Variants in CECR2 observed in about 807,000 individuals in gnomAD.
CECR2 encodes the protein chromatin remodeling regulator CECR2.
Under a neutral mutation model 154.5 loss-of-function variants are expected in CECR2, and 30 were observed. That is an observed-to-expected ratio of 0.19 (90% CI 0.15 to 0.26). The LOEUF is 0.26. Among genes scored for constraint, CECR2 ranks in the 10% least tolerant of loss-of-function variants. The pLI, the probability that CECR2 is intolerant of heterozygous loss-of-function variation, is 1.00. For missense variants in CECR2, 1,743 were observed against 1,829.3 expected (o/e 0.95, Z 0.86); for synonymous variants, 725 against 683.7 (o/e 1.06, Z -0.94).
In CECR2 at chr22:17,410,668, G is replaced by A. The variant is rs868536276; in HGVS notation, c.126+40759G>A. 3.9e-5 allele frequency among the ~76,000 whole-genome samples: 6 copies of A among 152,178 alleles called. No individual in the cohort carries two copies. In the South Asian group the frequency reaches 6.2e-4, roughly 16 times the overall value. On this transcript the variant is annotated intron_variant, in intron 1 of 18. Coordinates refer to ENST00000262608, the MANE Select transcript of CECR2 (RefSeq NM_001290047.2). ...TCACTATGTTGGCCAGGCTGGTCTC[G>A]AACTCCTGACCTTGTGACCTGCCTC...
At chr22:17,475,971 A>G (rs1040052532) in intron 1 of CECR2, among the ~76,000 whole-genome samples, 2 of 151,834 alleles carry the variant, frequency 1.3e-5, no homozygotes, top group African/African-American at 2.4e-5. Flanking sequence ...TTGCCTCTCT[A>G]TAGAAATAAA....
chr22:17,505,729 G>C lies in CECR2; in HGVS notation c.870+713G>C, dbSNP rs956537490. ...TTTTTTGTGTTTTTAGTAGAGACAG[G>C]GTTTCACCATTTTGACCAGGCTGGT... On this transcript the variant is annotated intron_variant, in intron 7 of 18. Coordinates refer to ENST00000262608, the MANE Select transcript of CECR2 (RefSeq NM_001290047.2). Among the ~76,000 whole-genome samples the C allele has an allele frequency of 2.0e-5, 3 of 150,174 alleles. No individual in the cohort carries two copies. In the Admixed American group the frequency reaches 2.0e-4, roughly 10 times the overall value.
chr22:17,547,466 G>A lies in CECR2; in HGVS notation c.2861-682G>A, dbSNP rs183942796. Among the ~76,000 whole-genome samples, 15 of 152,234 alleles carry A rather than the reference G, an allele frequency of 9.9e-5. No individual in the cohort carries two copies. In the East Asian group the frequency reaches 2.3e-3, roughly 24 times the overall value. ...AGGATGGTCTCAATCTCCTGACCTC[G>A]TGATCTGCCCGCCTCGGCCTCCCAA... On this transcript the variant is annotated intron_variant, in intron 16 of 18. Transcript: ENST00000262608.
chr22:17,392,882 A>G (rs1452060035), intron 1 of CECR2, among the ~76,000 whole-genome samples: 2 of 152,074 alleles, frequency 1.3e-5, no homozygotes, highest in Non-Finnish European at 2.9e-5. Context: ...TCTACTAAAA[A>G]TACAAAAATT....
Position 17,556,888 on chromosome 22 carries a change from T to G in CECR2, c.*4048T>G, listed in dbSNP as rs1384467730. ...TCCTGGGGTGTGGTGTGTCCACCAG[T>G]GACTCTCCGGACACTAGCTTCAGTA... is the stretch of plus-strand genomic sequence containing the variant. On this transcript the variant is annotated 3_prime_UTR_variant, in exon 19 of 19. Coordinates refer to ENST00000262608, the MANE Select transcript of CECR2 (RefSeq NM_001290047.2). 1.3e-5 allele frequency: 2 copies of G among 152,242 alleles called. No individual in the cohort carries two copies. Among genetic ancestry groups the G allele is most frequent in the African/African-American group, 4.8e-5 (2 of 41,448 alleles). The allele number at this position is 152,242 out of a possible 1,614,324, so 9.4% of individuals were successfully genotyped here.
At chr22:17,523,003 T>TCGGGG (rs1317444517) in intron 8 of CECR2, among the ~76,000 whole-genome samples, 1 of 142,184 alleles carries the variant, frequency 7.0e-6, no homozygotes, top group Non-Finnish European at 1.6e-5. Context: ...AGACTCCATC[T>TCGGGG]CGGGGGGAAA....
upstream of CECR2, among the ~76,000 whole-genome samples, chr22:17,368,835 C>T (rs1282881807): frequency 6.6e-6 from 1 of 152,074 alleles, no homozygotes; most frequent in Non-Finnish European, 1.5e-5. Context: ...TCCCCCTACC[C>T]CACCCTTCCC....
At chr22:17,372,619 G>T (rs2063073841) in intron 1 of CECR2, among the ~76,000 whole-genome samples, 1 of 152,110 alleles carries the variant, frequency 6.6e-6, no homozygotes, top group Non-Finnish European at 1.5e-5. Flanking sequence ...AGCGAGCCGA[G>T]ATCGTGCCAT....
intron 1 of CECR2, among the ~76,000 whole-genome samples, chr22:17,453,711 A>ATAG (rs1254268440): frequency 1.3e-5 from 2 of 152,196 alleles, no homozygotes; most frequent in African/African-American, 4.8e-5. Flanking sequence ...CTTTTCCTTG[A>ATAG]TAGGAATTTT....
chr22:17,427,651 A>T (rs991200265), intron 1 of CECR2, among the ~76,000 whole-genome samples: 17 of 152,272 alleles, frequency 1.1e-4, no homozygotes, highest in African/African-American at 4.1e-4. Flanking sequence ...TATGAAGAGC[A>T]AAAGAACAAA....
At position 17,557,678 on chromosome 22, in the gene CECR2, G is replaced by GGGGTC. The variant is rs1193848970; in HGVS notation, c.*4840_*4841insGTCGG. The GGGGTC allele has an allele frequency of 2.1e-5, 3 of 139,928 alleles. No individual in the cohort carries two copies. The highest frequency in any genetic ancestry group is 7.0e-5 in the Admixed American group (1 of 14,202). The allele number at this position is 139,928 out of a possible 1,614,324, so 8.7% of individuals were successfully genotyped here. A position where few individuals can be genotyped will look rare whatever the true frequency, so the allele number is the denominator to read the frequency against. ...TGTTGTTGACAGGGGTGGGTGGGGT[G>GGGGTC]GGAGCAGGGGTATGGATATTGCATA... is the stretch of plus-strand genomic sequence containing the variant. On this transcript the variant is annotated 3_prime_UTR_variant, in exon 19 of 19. Transcript: ENST00000262608.
At chr22:17,476,619 C>T (rs1013918765) in intron 1 of CECR2, among the ~76,000 whole-genome samples, 3 of 152,160 alleles carry the variant, frequency 2.0e-5, no homozygotes, top group African/African-American at 7.2e-5. Flanking sequence ...ATGCACATCT[C>T]GTACTTTTCA....
chr22:17,539,490 C>T (rs2056488007), intron 13 of CECR2, among the ~76,000 whole-genome samples: 1 of 151,972 alleles, frequency 6.6e-6, no homozygotes, highest in Admixed American at 6.6e-5. Context: ...TCTTTCTGAA[C>T]ATCACACTCC....
chr22:17,499,136 C>T (rs1003724038), intron 3 of CECR2, among the ~76,000 whole-genome samples: 4 of 151,644 alleles, frequency 2.6e-5, no homozygotes, highest in African/African-American at 7.3e-5. Flanking sequence ...ATTACAGGCG[C>T]GCGCCACCAC....
At chr22:17,504,379 A>C (rs1485495029) in intron 6 of CECR2, among the ~76,000 whole-genome samples, 1 of 151,948 alleles carries the variant, frequency 6.6e-6, no homozygotes, top group Non-Finnish European at 1.5e-5. Context: ...TGTCTCAAAA[A>C]AAATAAAATT....
At chr22:17,503,389 G>A (rs544347808) in intron 6 of CECR2, among the ~76,000 whole-genome samples, 21 of 152,274 alleles carry the variant, frequency 1.4e-4, no homozygotes, top group Non-Finnish European at 2.5e-4. Context: ...ACACCTTAAC[G>A]TTGGAGTGAA....
chr22:17,371,913 A>G (rs1194108963), intron 1 of CECR2, among the ~76,000 whole-genome samples: 2 of 152,220 alleles, frequency 1.3e-5, no homozygotes, highest in Non-Finnish European at 2.9e-5. Flanking sequence ...GTTATAAGCA[A>G]TAAACTTGTG....
Position 17,548,477 on chromosome 22 carries a change from T to C in CECR2, c.3190T>C (p.Cys1064Arg). 1 of 1,613,866 alleles carries C rather than the reference T, an allele frequency of 6.2e-7. No individual in the cohort carries two copies. Among genetic ancestry groups the C allele is most frequent in the Admixed American group, 1.7e-5 (1 of 60,018 alleles). ...ENGVIGEASPCGSEGKGLGSS... is the reference protein window; with the variant it reads ...ENGVIGEASPRGSEGKGLGSS... ...CGGAGTCATTGGGGAAGCATCTCCTTGTGGATCGGAGGGGAAGGGCCTTGG... is the reference window on the plus strand; with the variant it reads ...CGGAGTCATTGGGGAAGCATCTCCTCGTGGATCGGAGGGGAAGGGCCTTGG... Residue 1064 changes from cysteine to arginine, a missense_variant, in exon 17 of 19, where the codon TGT (cysteine) becomes CGT (arginine). Physicochemically the swap from Cys to Arg is radical, Grantham distance 180. Around this residue, in one of 4 missense-constraint regions of CECR2, gnomAD observed 1,250 missense variants for 1,192.1 expected, o/e 1.05. Transcript: ENST00000262608.
chr22:17,450,278 T>C (rs1396299539), intron 1 of CECR2, among the ~76,000 whole-genome samples: 1 of 152,210 alleles, frequency 6.6e-6, no homozygotes, highest in African/African-American at 2.4e-5. Context: ...TATTAACTTT[T>C]TGTTGTTGTT....
Sources: allele counts gnomAD v4.1 joint callset (sites outside exome capture counted in the v4.1 genomes callset), GRCh38; gene constraint gnomAD v4.1.1; regional missense constraint gnomAD v4.1.1; transcripts MANE v1.5; gene names NCBI Gene and HGNC (gene_info 2026-07-23, HGNC 2026-07-21).